Variants in SLC39A11 observed in about 807,000 individuals in gnomAD.
The protein encoded by SLC39A11 is zinc transporter ZIP11.
In SLC39A11, 33 loss-of-function variants were observed where a neutral mutation model predicts 36.1. The ratio of observed to expected loss-of-function variants is 0.91; its 90% CI spans 0.69 to 1.22. SLC39A11 has a LOEUF of 1.22. Ranked by LOEUF, SLC39A11 falls within the 50% of genes most tolerant of loss-of-function variation. The pLI is 0.00. For missense variants in SLC39A11, 432 were observed against 430.3 expected (o/e 1.00, Z -0.03); for synonymous variants, 166 against 170.3 (o/e 0.97, Z 0.20).
intron 1 of SLC39A11, among the ~76,000 whole-genome samples, chr17:73,090,507 C>T (rs1261723269): frequency 6.6e-6 from 1 of 152,218 alleles, no homozygotes; most frequent in Non-Finnish European, 1.5e-5. Context: ...CCATCTGGAC[C>T]ATTACACCAA....
At chr17:73,025,098 G>C (rs558540394) in intron 4 of SLC39A11, among the ~76,000 whole-genome samples, 10 of 152,080 alleles carry the variant, frequency 6.6e-5, no homozygotes, top group Non-Finnish European at 1.5e-4. Flanking sequence ...ATCACAATGA[G>C]AACTAAAATA....
chr17:72,909,420 CATT>C, intron 5 of SLC39A11, among the ~76,000 whole-genome samples: 1 of 152,186 alleles, frequency 6.6e-6, no homozygotes, highest in Non-Finnish European at 1.5e-5. Context: ...CTTGACCACT[CATT>C]ATTAGCACCC....
chr17:72,762,368 C>T (rs2075617257), intron 6 of SLC39A11, among the ~76,000 whole-genome samples: 1 of 152,194 alleles, frequency 6.6e-6, no homozygotes, highest in Admixed American at 6.5e-5. Context: ...CTAAGAGACA[C>T]TCCCAATAGC....
chr17:72,679,452 A>G (rs1302324170), intron 7 of SLC39A11, among the ~76,000 whole-genome samples: 1 of 152,226 alleles, frequency 6.6e-6, no homozygotes, highest in African/African-American at 2.4e-5. Context: ...GGCTGCTCAG[A>G]GTCTGAGATG....
intron 5 of SLC39A11, among the ~76,000 whole-genome samples, chr17:72,894,360 C>CAA (rs57105586): frequency 2.4e-4 from 7 of 29,682 alleles, no homozygotes; most frequent in East Asian, 1.2e-3. Flanking sequence ...GACTCTGTCT[C>CAA]AAAAAAAAAA....
At chr17:73,043,442 C>G (rs1271188156) in intron 3 of SLC39A11, among the ~76,000 whole-genome samples, 5 of 152,158 alleles carry the variant, frequency 3.3e-5, no homozygotes, top group Admixed American at 3.3e-4. Context: ...AGCTCCCCTC[C>G]ACAACCTACA....
intron 6 of SLC39A11, among the ~76,000 whole-genome samples, chr17:72,820,255 G>A (rs1215624588): frequency 6.6e-6 from 1 of 151,262 alleles, no homozygotes; most frequent in Non-Finnish European, 1.5e-5. Context: ...TTTCCCCTCT[G>A]GATGTTGAAA....
chr17:72,976,158 C>T (rs970604757), intron 4 of SLC39A11, among the ~76,000 whole-genome samples: 26 of 108,344 alleles, frequency 2.4e-4, no homozygotes, highest in South Asian at 7.4e-4. Context: ...CGACAGAGCG[C>T]GACTCCATCT....
At chr17:72,812,169 GC>G (rs1241779592) in intron 6 of SLC39A11, among the ~76,000 whole-genome samples, 2 of 152,126 alleles carry the variant, frequency 1.3e-5, no homozygotes, top group African/African-American at 4.8e-5. Context: ...ATACTATTAT[GC>G]TTGGAGAGAA....
intron 4 of SLC39A11, among the ~76,000 whole-genome samples, chr17:73,011,053 T>C (rs140936492): frequency 7.4e-4 from 104 of 141,322 alleles, no homozygotes; most frequent in Admixed American, 2.3e-3. Flanking sequence ...ATCTGTGCCC[T>C]TGCCCCCACC....
intron 7 of SLC39A11, among the ~76,000 whole-genome samples, chr17:72,655,250 T>A (rs185469163): frequency 6.6e-6 from 1 of 152,112 alleles, no homozygotes; most frequent in Non-Finnish European, 1.5e-5. Flanking sequence ...CCCATCCAAG[T>A]TCCCTCGCCC....
chr17:72,673,928 C>T (rs2144206183), intron 7 of SLC39A11, among the ~76,000 whole-genome samples: 1 of 152,100 alleles, frequency 6.6e-6, no homozygotes, highest in Non-Finnish European at 1.5e-5. Context: ...ATTAGCCAGG[C>T]GTGGTAGCAT....
At chr17:72,853,636 T>C (rs2079489264) in intron 5 of SLC39A11, among the ~76,000 whole-genome samples, 1 of 152,056 alleles carries the variant, frequency 6.6e-6, no homozygotes, top group Non-Finnish European at 1.5e-5. Context: ...AAAACTGACG[T>C]CAGTGCCTTC....
chr17:72,850,186 C>T (rs1303861657), intron 5 of SLC39A11, among the ~76,000 whole-genome samples: 2 of 152,204 alleles, frequency 1.3e-5, no homozygotes, highest in African/African-American at 4.8e-5. Context: ...TGGTCACTCA[C>T]GCCTGAAATC....
chr17:72,923,351 G>A (rs915376649), intron 5 of SLC39A11, among the ~76,000 whole-genome samples: 4 of 152,152 alleles, frequency 2.6e-5, no homozygotes, highest in Non-Finnish European at 4.4e-5. Context: ...AATGTGGACT[G>A]GCCCTGAGTC....
At chr17:72,777,803 T>C (rs1395320081) in intron 6 of SLC39A11, among the ~76,000 whole-genome samples, 1 of 152,110 alleles carries the variant, frequency 6.6e-6, no homozygotes, top group Admixed American at 6.5e-5. Flanking sequence ...ATAAACATAG[T>C]AATGGAAGAT....
intron 7 of SLC39A11, among the ~76,000 whole-genome samples, chr17:72,679,814 T>C (rs4793306): frequency 0.86 from 131,066 of 151,964 alleles, 56,885 homozygotes; most frequent in African/African-American, 0.96. Context: ...GAGGCCAAGG[T>C]GGGCGGATCA....
At chr17:72,825,602 G>C (rs1294522114) in intron 6 of SLC39A11, among the ~76,000 whole-genome samples, 1 of 152,174 alleles carries the variant, frequency 6.6e-6, no homozygotes, top group Non-Finnish European at 1.5e-5. Context: ...GCCTGGAAAA[G>C]CCATAGGCAC....
chr17:72,870,207 GGT>G (rs1390023394), intron 5 of SLC39A11, among the ~76,000 whole-genome samples: 3 of 152,122 alleles, frequency 2.0e-5, no homozygotes, highest in African/African-American at 7.2e-5. Flanking sequence ...ATCTGAGACA[GGT>G]GTATGCATGT....
Sources: gnomAD v4.1 joint callset for allele counts (sites outside exome capture counted in the v4.1 genomes callset) on GRCh38, gnomAD v4.1.1 for gene constraint, MANE v1.5 for transcripts, NCBI Gene and HGNC (gene_info 2026-07-23, HGNC 2026-07-21) for gene names.